Variants in LOC400499 observed in about 807,000 individuals in gnomAD.
the LOC400499 span, chr16:11,431,263 G>T: frequency 2.5e-6 from 1 of 398,852 alleles, no homozygotes; most frequent in Non-Finnish European, 4.4e-6. Context: ...AAGATCATGG[G>T]CTTTGTAGTC....
the LOC400499 span, among the ~76,000 whole-genome samples, chr16:11,424,919 G>A: frequency 1.3e-5 from 2 of 152,158 alleles, no homozygotes; most frequent in Admixed American, 6.5e-5. Context: ...CTGTCAATAC[G>A]GTAACAACTG....
At chr16:11,469,557 G>A in the LOC400499 span, 1 of 399,088 alleles carries the variant, frequency 2.5e-6, no homozygotes, top group Middle Eastern at 6.3e-4. Context: ...GCCGGAACTT[G>A]TTCTGGGGCA....
chr16:11,374,790 T>C, the LOC400499 span, among the ~76,000 whole-genome samples: 6 of 152,214 alleles, frequency 3.9e-5, no homozygotes, highest in Non-Finnish European at 7.3e-5. Flanking sequence ...GGTGTATAAA[T>C]GTGTGAGACC....
the LOC400499 span, chr16:11,462,281 G>A: frequency 1.0e-5 from 15 of 1,507,398 alleles, no homozygotes; most frequent in African/African-American, 1.7e-4. Flanking sequence ...GCCACCCATG[G>A]CTGGCTGCAG....
the LOC400499 span, chr16:11,384,328 G>T: frequency 1.6e-6 from 2 of 1,229,780 alleles, no homozygotes; most frequent in Non-Finnish European, 2.0e-6. Flanking sequence ...GGATATGCCT[G>T]TGGGGAAGAG....
the LOC400499 span, among the ~76,000 whole-genome samples, chr16:11,489,261 T>G: frequency 6.6e-6 from 1 of 152,222 alleles, no homozygotes; most frequent in Non-Finnish European, 1.5e-5. Flanking sequence ...TTTCAAATCC[T>G]AGTTCCACCA....
At chr16:11,513,117 G>A in the LOC400499 span, among the ~76,000 whole-genome samples, 2 of 152,062 alleles carry the variant, frequency 1.3e-5, no homozygotes, top group Non-Finnish European at 2.9e-5. Flanking sequence ...TTTAATCGGC[G>A]GGGTTCAACA....
At chr16:11,382,741 T>TGGAAGTTGCAGTGAGCCGAGA in the LOC400499 span, among the ~76,000 whole-genome samples, 1 of 151,870 alleles carries the variant, frequency 6.6e-6, no homozygotes, top group Non-Finnish European at 1.5e-5. Context: ...ACCCAGGAGG[T>TGGAAGTTGCAGTGAGCCGAGA]GGAAGTTGCA....
At chr16:11,457,449 C>T in the LOC400499 span, among the ~76,000 whole-genome samples, 5 of 151,860 alleles carry the variant, frequency 3.3e-5, no homozygotes, top group African/African-American at 7.3e-5. Context: ...AAAAATTAGC[C>T]GGGCATGGTG....
chr16:11,393,622 G>A, the LOC400499 span: 1 of 1,210,098 alleles, frequency 8.3e-7, no homozygotes, highest in South Asian at 4.2e-5. Flanking sequence ...TCTCTCCCCT[G>A]CCCGCCCCAG....
the LOC400499 span, among the ~76,000 whole-genome samples, chr16:11,438,355 C>T: frequency 6.6e-6 from 1 of 152,160 alleles, no homozygotes; most frequent in African/African-American, 2.4e-5. Flanking sequence ...ACTTCAGGGA[C>T]ATCAACCTGT....
At chr16:11,517,768 A>C in the LOC400499 span, among the ~76,000 whole-genome samples, 234 of 152,258 alleles carry the variant, frequency 1.5e-3, 1 homozygote, top group African/African-American at 5.3e-3. Context: ...TGGTATCTGC[A>C]GAGTGAAGGG....
chr16:11,426,608 G>GAA, the LOC400499 span, among the ~76,000 whole-genome samples: 1 of 144,384 alleles, frequency 6.9e-6, no homozygotes, highest in Non-Finnish European at 1.5e-5. Flanking sequence ...ACTGCAATAA[G>GAA]AAAAAAAAAA....
the LOC400499 span, among the ~76,000 whole-genome samples, chr16:11,452,733 A>G: frequency 6.6e-6 from 1 of 152,170 alleles, no homozygotes; most frequent in Non-Finnish European, 1.5e-5. Context: ...TCATTCAGTA[A>G]AAGTCCTGCA....
chr16:11,484,402 T>C, the LOC400499 span, among the ~76,000 whole-genome samples: 1 of 152,204 alleles, frequency 6.6e-6, no homozygotes, highest in Admixed American at 6.5e-5. Flanking sequence ...AGTGTGTACA[T>C]GGGTCAGAAT....
the LOC400499 span, among the ~76,000 whole-genome samples, chr16:11,505,031 A>G: frequency 1.3e-5 from 2 of 152,172 alleles, no homozygotes; most frequent in African/African-American, 2.4e-5. Context: ...TGACACTCAA[A>G]GTGATTGAGG....
the LOC400499 span, chr16:11,523,448 C>G: frequency 2.5e-6 from 1 of 398,786 alleles, no homozygotes; most frequent in Non-Finnish European, 4.4e-6. Context: ...AGGAGGCCAC[C>G]TGCCCCACCT....
chr16:11,403,017 G>A, the LOC400499 span, among the ~76,000 whole-genome samples: 10 of 152,014 alleles, frequency 6.6e-5, no homozygotes, highest in Admixed American at 6.5e-4. Context: ...CGCAACAACA[G>A]ATGGCCTCCA....
chr16:11,383,529 C>T, the LOC400499 span: 105 of 1,132,314 alleles, frequency 9.3e-5, no homozygotes, highest in Middle Eastern at 1.9e-3. Context: ...ACTCTTAGCT[C>T]CTTGAATGAC....
Sources: gnomAD v4.1 joint callset for allele counts (sites outside exome capture counted in the v4.1 genomes callset) on GRCh38, gnomAD v4.1.1 for gene constraint, MANE v1.5 for transcripts.